Variants in TMEM65 observed in about 807,000 individuals in gnomAD.
The protein encoded by TMEM65 is transmembrane protein 65.
Under a neutral mutation model 25.4 loss-of-function variants are expected in TMEM65, and 22 were observed. That is an observed-to-expected ratio of 0.86 (90% CI 0.62 to 1.23). The LOEUF is 1.23. Ranked by LOEUF, TMEM65 falls within the 50% of genes most tolerant of loss-of-function variation. The pLI is 0.00. For synonymous variants in TMEM65, 132 were observed against 126.2 expected, an observed-to-expected ratio of 1.05 and a Z score of -0.31; for missense variants, 262 against 308.2, an observed-to-expected ratio of 0.85 and a Z score of 1.12.
At chr8:124,326,740 G>A (rs58660264) in intron 3 of TMEM65, among the ~76,000 whole-genome samples, 1 of 151,970 alleles carries the variant, frequency 6.6e-6, no homozygotes, top group Non-Finnish European at 1.5e-5. Context: ...GTATCCATTA[G>A]CAGGCCTTAT....
At chr8:124,334,963 A>G (rs746868640) in intron 1 of TMEM65, among the ~76,000 whole-genome samples, 4 of 151,970 alleles carry the variant, frequency 2.6e-5, no homozygotes, top group African/African-American at 9.7e-5. Flanking sequence ...CTAAATATTA[A>G]AAGGGCTAAT....
chr8:124,332,874 C>T (rs1207857791), intron 1 of TMEM65, among the ~76,000 whole-genome samples: 2 of 152,012 alleles, frequency 1.3e-5, no homozygotes, highest in Non-Finnish European at 2.9e-5. Context: ...GGCGCGATCT[C>T]GGCTCACTGC....
intron 1 of TMEM65, among the ~76,000 whole-genome samples, chr8:124,370,484 C>T (rs534330062): frequency 7.2e-5 from 11 of 152,266 alleles, no homozygotes; most frequent in African/African-American, 2.6e-4. Flanking sequence ...TACAAATGTG[C>T]TAGTGTTTCA....
chr8:124,320,000 A>C, intron 6 of TMEM65, 86 bp downstream of exon 6: 2 of 918,150 alleles, frequency 2.2e-6, no homozygotes, highest in Non-Finnish European at 3.1e-6. Flanking sequence ...AACCAATTTT[A>C]GTCTCAAATT....
In TMEM65 at chr8:124,333,569, CT is replaced by C. The variant is rs1814464065; in HGVS notation, c.305-2778del. On this transcript the variant is annotated intron_variant, in intron 1 of 6. Coordinates refer to ENST00000297632, the MANE Select transcript of TMEM65 (RefSeq NM_194291.3). Reference sequence around the variant, plus strand: ...TTAAAACAATAAGATAACTATTAAGCTTGTACTTCACCATACCACATTTGCC... The same window carrying C: ...TTAAAACAATAAGATAACTATTAAGCTGTACTTCACCATACCACATTTGCC... 5.3e-5 allele frequency among the ~76,000 whole-genome samples: 8 copies of C among 151,706 alleles called. No individual in the cohort carries two copies. In the South Asian group the frequency reaches 1.7e-3, roughly 31 times the overall value.
At chr8:124,353,605 A>AG (rs1491168744) in intron 1 of TMEM65, among the ~76,000 whole-genome samples, 2 of 152,196 alleles carry the variant, frequency 1.3e-5, no homozygotes, top group Non-Finnish European at 2.9e-5. Context: ...AGAAAAAAAA[A>AG]GAGTCTCTTG....
Position 124,352,547 on chromosome 8 carries a change from G to A in TMEM65, c.304+19307C>T, listed in dbSNP as rs187426547. 3.1e-3 allele frequency among the ~76,000 whole-genome samples: 454 copies of A among 147,624 alleles called. 5 individuals are homozygous for A. Among genetic ancestry groups the A allele is most frequent in the Non-Finnish European group, 4.9e-3 (325 of 66,480 alleles). On this transcript the variant is annotated intron_variant, in intron 1 of 6. Coordinates refer to ENST00000297632, the MANE Select transcript of TMEM65 (RefSeq NM_194291.3). ...TAAAATAAAATAAAATAAAAATACAGGTAAGATTCCAGAAAGGAGAAATTA... is the reference window on the plus strand; with the variant it reads ...TAAAATAAAATAAAATAAAAATACAAGTAAGATTCCAGAAAGGAGAAATTA...
At chr8:124,346,876 T>G (rs141255213) in intron 1 of TMEM65, among the ~76,000 whole-genome samples, 8 of 152,178 alleles carry the variant, frequency 5.3e-5, no homozygotes, top group Non-Finnish European at 2.9e-5. Flanking sequence ...CTGAACATTA[T>G]GAATAACTGC....
In TMEM65 at chr8:124,330,885, G is replaced by A. The variant is rs923369408; in HGVS notation, c.305-93C>T. The A allele has an allele frequency of 5.9e-5, 69 of 1,172,380 alleles. 2 individuals carry two copies. The highest frequency in any genetic ancestry group is 5.1e-4 in the South Asian group (37 of 73,018). 72.6% of individuals were successfully genotyped at this position (1,172,380 alleles called of 1,614,324 possible). On this transcript the variant is annotated intron_variant, in intron 1 of 6. Transcript: ENST00000297632. ...AAGAAAATACCAGAAGATTTACAAC[G>A]TGGGAGAATATCAGAGTTTATTCAT...
chr8:124,346,823 T>A (rs1254894479), intron 1 of TMEM65, among the ~76,000 whole-genome samples: 1 of 152,174 alleles, frequency 6.6e-6, no homozygotes, highest in Non-Finnish European at 1.5e-5. Flanking sequence ...CTAGTGAGTT[T>A]CAGCAACAAT....
chr8:124,360,429 CAAAAAAA>C (rs55829098), intron 1 of TMEM65, among the ~76,000 whole-genome samples: 6 of 70,636 alleles, frequency 8.5e-5, no homozygotes, highest in African/African-American at 2.5e-4. Context: ...GACTCTGTCA[CAAAAAAA>C]AAAAAAAAAA....
chr8:124,322,270 A>G, intron 4 of TMEM65, 123 bp from the exon 5 acceptor site: 1 of 653,214 alleles, frequency 1.5e-6, no homozygotes, highest in East Asian at 3.1e-5. Flanking sequence ...ACCATATCCA[A>G]AGTAACTCAT....
At chr8:124,345,020 AG>A in intron 1 of TMEM65, among the ~76,000 whole-genome samples, 1 of 152,328 alleles carries the variant, frequency 6.6e-6, no homozygotes, top group Middle Eastern at 3.4e-3. Context: ...ACTGATCAAA[AG>A]GGGGAAATTG....
rs1227505105 is a variant in TMEM65, at chr8:124,308,543, C to G, written c.*5417G>C. 1 of 152,048 alleles carries G rather than the reference C, an allele frequency of 6.6e-6. No individual in the cohort carries two copies. Among genetic ancestry groups the G allele is most frequent in the Non-Finnish European group, 1.5e-5 (1 of 68,014 alleles). 9.4% of individuals were successfully genotyped at this position (152,048 alleles called of 1,614,324 possible). A position where few individuals can be genotyped will look rare whatever the true frequency, so the allele number is the denominator to read the frequency against. On this transcript the variant is annotated 3_prime_UTR_variant, in exon 7 of 7. Transcript: ENST00000297632. ...GACTTCGCAGAATTTACAACAGAGC[C>G]AATCAAGAAAATCATGAAAGAGGTT...
At chr8:124,343,584 C>T (rs1814607689) in intron 1 of TMEM65, among the ~76,000 whole-genome samples, 1 of 152,050 alleles carries the variant, frequency 6.6e-6, no homozygotes. Flanking sequence ...TCTCTTAACT[C>T]AAGAGGGCCT....
At chr8:124,367,625 T>A (rs1159899119) in intron 1 of TMEM65, among the ~76,000 whole-genome samples, 1 of 152,244 alleles carries the variant, frequency 6.6e-6, no homozygotes, top group African/African-American at 2.4e-5. Flanking sequence ...TTAAGTGTTT[T>A]AGATACTCAA....
rs568069722 is a variant in TMEM65 at position 124,325,617 on chromosome 8, A to G, written c.417+1737T>C. On this transcript the variant is annotated intron_variant, in intron 3 of 6. Transcript: ENST00000297632. ...CCATAAGCCCCTGAAACTGGATTTC[A>G]ATAGAAACAGAATAACAGGTATTAC... is the stretch of plus-strand genomic sequence containing the variant. Among the ~76,000 whole-genome samples, 8 of 152,160 alleles carry G rather than the reference A, an allele frequency of 5.3e-5. No homozygotes were observed. The East Asian group carries it at 1.5e-3, about 29-fold the overall frequency.
Position 124,310,527 on chromosome 8 carries a change from C to T in TMEM65, c.*3433G>A, listed in dbSNP as rs1457209340. The T allele has an allele frequency of 1.3e-5, 2 of 152,068 alleles. No homozygotes were observed. Among genetic ancestry groups the T allele is most frequent in the Non-Finnish European group, 2.9e-5 (2 of 68,012 alleles). 9.4% of individuals were successfully genotyped at this position (152,068 alleles called of 1,614,324 possible). A position where few individuals can be genotyped will look rare whatever the true frequency, so the allele number is the denominator to read the frequency against. On this transcript the variant is annotated 3_prime_UTR_variant, in exon 7 of 7. Coordinates refer to ENST00000297632, the MANE Select transcript of TMEM65 (RefSeq NM_194291.3). The stretch of plus-strand genomic sequence containing the variant: ...GTAGTGGCAAACTAACCTCTTCATG[C>T]CTCAATTTAGCTATGAGAAAATAGA...
intron 1 of TMEM65, among the ~76,000 whole-genome samples, chr8:124,341,464 A>G (rs981889965): frequency 6.6e-6 from 1 of 152,044 alleles, no homozygotes; most frequent in Admixed American, 6.5e-5. Flanking sequence ...AACAGTAAGA[A>G]TTTCTTGGAC....
Sources: gnomAD v4.1 joint callset for allele counts (sites outside exome capture counted in the v4.1 genomes callset) on GRCh38, gnomAD v4.1.1 for gene constraint, MANE v1.5 for transcripts, NCBI Gene and HGNC (gene_info 2026-07-23, HGNC 2026-07-21) for gene names.